NRCAM: variants seen among roughly 807,000 people sequenced by gnomAD.
NRCAM encodes NgCAM-related cell adhesion molecule.
Under a neutral mutation model 156.5 loss-of-function variants are expected in NRCAM, and 83 were observed. That is an observed-to-expected ratio of 0.53 (90% confidence interval 0.44 to 0.64). The LOEUF (loss-of-function observed/expected upper bound fraction) is 0.64, where lower values mean the gene tolerates loss of function less well. Ranked by LOEUF, NRCAM falls within the 30% of genes least tolerant of loss-of-function variation. NRCAM has a pLI of 0.00. For missense variants in NRCAM, 1,417 were observed against 1,597.3 expected, an observed-to-expected ratio of 0.89 and a Z score of 1.92; for synonymous variants, 538 against 563.9, an observed-to-expected ratio of 0.95 and a Z score of 0.65.
intron 1 of NRCAM, among the ~76,000 whole-genome samples, chr7:108,451,921 C>T (rs1850838888): frequency 6.6e-6 from 1 of 152,140 alleles, no homozygotes; most frequent in Non-Finnish European, 1.5e-5. Context: ...CTGAAGTATA[C>T]ACTTAGAAAT....
At chr7:108,212,918 A>T (rs1056150059) in intron 11 of NRCAM, among the ~76,000 whole-genome samples, 3 of 152,188 alleles carry the variant, frequency 2.0e-5, no homozygotes, top group African/African-American at 7.2e-5. Flanking sequence ...AACTCATCTC[A>T]AAAAGATGTC....
chr7:108,400,680 C>A (rs2099789776), intron 1 of NRCAM, among the ~76,000 whole-genome samples: 1 of 152,080 alleles, frequency 6.6e-6, no homozygotes, highest in East Asian at 1.9e-4. Flanking sequence ...TTGATAGTAT[C>A]CAAAACTTTA....
intron 2 of NRCAM, among the ~76,000 whole-genome samples, chr7:108,373,580 A>T (rs2099643007): frequency 6.6e-6 from 1 of 152,196 alleles, no homozygotes; most frequent in South Asian, 2.1e-4. Context: ...GTGGAAACTA[A>T]CAAAAATCAG....
intron 2 of NRCAM, among the ~76,000 whole-genome samples, chr7:108,343,692 TA>T (rs1353584215): frequency 6.6e-6 from 1 of 152,160 alleles, no homozygotes; most frequent in Non-Finnish European, 1.5e-5. Context: ...GGAAATTACT[TA>T]AAACCCTTCA....
chr7:108,150,939 A>T (rs1324812215), intron 32 of NRCAM, among the ~76,000 whole-genome samples: 2 of 152,138 alleles, frequency 1.3e-5, no homozygotes, highest in Non-Finnish European at 2.9e-5. Flanking sequence ...GACTCCAAAC[A>T]TGTAATAGCA....
At chr7:108,174,259 A>G (rs552953372) in intron 28 of NRCAM, among the ~76,000 whole-genome samples, 3 of 152,258 alleles carry the variant, frequency 2.0e-5, no homozygotes, top group Non-Finnish European at 4.4e-5. Flanking sequence ...TCCTTATTCA[A>G]TAACTCCAAA....
Position 108,239,994 on chromosome 7 carries a change from C to T in NRCAM, c.71G>A (p.Cys24Tyr). The T allele has an allele frequency of 1.9e-6, 3 of 1,613,212 alleles. No homozygotes were observed. The highest frequency in any genetic ancestry group is 2.2e-5 in the East Asian group (1 of 44,862). Residue 24 changes from cysteine (C) to tyrosine (Y), a missense_variant, in exon 4 of 33, where the codon TGC (cysteine) becomes TAC (tyrosine). By Grantham distance (194) the Cys-to-Tyr change is radical. This residue lies in a region of NRCAM where 1,238 missense variants were observed against 1,336.4 expected (regional missense o/e 0.93). Coordinates refer to ENST00000379028, the MANE Select transcript of NRCAM (RefSeq NM_001037132.4). ...TACTTCCAGTGCACTAATCATCTGG[C>T]ACAGGAAGAGAATCAGGGGCACTCT... ...AGRVPLILFLCQMISALEVPL... is the reference protein window; with the variant it reads ...AGRVPLILFLYQMISALEVPL...
intron 1 of NRCAM, among the ~76,000 whole-genome samples, chr7:108,450,944 C>A (rs747403143): frequency 3.3e-4 from 50 of 152,096 alleles, no homozygotes; most frequent in Non-Finnish European, 6.5e-4. Flanking sequence ...AGTGGCTGGG[C>A]GTGGTGACTC....
chr7:108,256,263 A>G (rs1357081532), intron 3 of NRCAM, among the ~76,000 whole-genome samples: 1 of 151,256 alleles, frequency 6.6e-6, no homozygotes, highest in Non-Finnish European at 1.5e-5. Context: ...AGGAGACTCC[A>G]TTTTGTTCTG....
chr7:108,169,248 A>G (rs1253426146), intron 28 of NRCAM, among the ~76,000 whole-genome samples: 1 of 152,200 alleles, frequency 6.6e-6, no homozygotes, highest in Non-Finnish European at 1.5e-5. Flanking sequence ...ACAACATCTA[A>G]AGTCATTAAA....
At chr7:108,208,498 T>C (rs555866219) in intron 12 of NRCAM, among the ~76,000 whole-genome samples, 1 of 152,302 alleles carries the variant, frequency 6.6e-6, no homozygotes, top group East Asian at 1.9e-4. Flanking sequence ...AAGTTAACAA[T>C]GGTACTTAAC....
intron 2 of NRCAM, among the ~76,000 whole-genome samples, chr7:108,385,042 T>TA (rs1218550627): frequency 1.3e-5 from 2 of 152,152 alleles, no homozygotes; most frequent in Admixed American, 6.6e-5. Flanking sequence ...GGACCCAAAG[T>TA]AAGAGGCAGA....
At chr7:108,331,060 A>AT (rs952824618) in intron 2 of NRCAM, among the ~76,000 whole-genome samples, 13 of 152,146 alleles carry the variant, frequency 8.5e-5, no homozygotes, top group Non-Finnish European at 1.8e-4. Context: ...TTACAGAAAT[A>AT]TTTTTTCATT....
At chr7:108,212,719 A>G (rs1337913221) in intron 11 of NRCAM, among the ~76,000 whole-genome samples, 1 of 152,142 alleles carries the variant, frequency 6.6e-6, no homozygotes, top group East Asian at 1.9e-4. Flanking sequence ...ATAGGAAAAT[A>G]TGAACAAAGC....
chr7:108,271,360 C>T (rs1020768205), intron 3 of NRCAM, among the ~76,000 whole-genome samples: 17 of 152,164 alleles, frequency 1.1e-4, no homozygotes, highest in Non-Finnish European at 2.2e-4. Context: ...CACACTCCTA[C>T]ACTGTGCCCA....
intron 10 of NRCAM, among the ~76,000 whole-genome samples, chr7:108,224,260 A>G (rs1363854075): frequency 6.6e-6 from 1 of 151,972 alleles, no homozygotes; most frequent in Non-Finnish European, 1.5e-5. Context: ...ATTTTTATAA[A>G]GATATGGTTA....
chr7:108,347,514 T>C (rs2099367254), intron 2 of NRCAM, among the ~76,000 whole-genome samples: 2 of 151,966 alleles, frequency 1.3e-5, no homozygotes, highest in African/African-American at 2.4e-5. Context: ...AGAAAGAAAA[T>C]CCCAATAAAA....
chr7:108,304,858 G>A (rs1368968822), intron 3 of NRCAM, among the ~76,000 whole-genome samples: 1 of 152,110 alleles, frequency 6.6e-6, no homozygotes, highest in Admixed American at 6.6e-5. Flanking sequence ...CTCACTTACT[G>A]GATCAAGGCA....
At chr7:108,172,909 CCT>C (rs1010790944) in intron 28 of NRCAM, among the ~76,000 whole-genome samples, 2 of 151,880 alleles carry the variant, frequency 1.3e-5, no homozygotes, top group African/African-American at 4.8e-5. Flanking sequence ...TTTCTTTTCC[CCT>C]CTTTGACCAG....
Sources: gnomAD v4.1 joint callset for allele counts (sites outside exome capture counted in the v4.1 genomes callset) on GRCh38, gnomAD v4.1.1 for gene constraint, gnomAD v4.1.1 regional missense constraint, MANE v1.5 for transcripts, NCBI Gene and HGNC (gene_info 2026-07-23, HGNC 2026-07-21) for gene names.